LNPK: variants seen among roughly 807,000 people sequenced by gnomAD.
LNPK encodes the protein lunapark, ER junction formation factor, also known as endoplasmic reticulum junction formation protein lunapark.
Under a neutral mutation model 55.2 loss-of-function variants are expected in LNPK, and 29 were observed. The ratio of observed to expected loss-of-function variants is 0.53; its 90% CI spans 0.39 to 0.72. The LOEUF (loss-of-function observed/expected upper bound fraction) is 0.72, where lower values mean the gene tolerates loss of function less well. Among genes scored for constraint, LNPK ranks in the 30% least tolerant of loss-of-function variants. The pLI, the probability that LNPK is intolerant of heterozygous loss-of-function variation, is 0.00. For missense variants in LNPK, 467 were observed against 494.8 expected (o/e 0.94, Z 0.53); for synonymous variants, 162 against 168.2 (o/e 0.96, Z 0.29).
At chr2:175,942,640 A>G (rs1437800832) in intron 9 of LNPK, among the ~76,000 whole-genome samples, 2 of 151,488 alleles carry the variant, frequency 1.3e-5, no homozygotes. Flanking sequence ...ATGAAAATGG[A>G]AAAAAAATCA....
chr2:175,973,116 T>C (rs529184800), intron 5 of LNPK, among the ~76,000 whole-genome samples: 8 of 152,330 alleles, frequency 5.3e-5, no homozygotes, highest in Admixed American at 3.9e-4. Flanking sequence ...AGGTTTTGCA[T>C]ATATACATTG....
intron 5 of LNPK, among the ~76,000 whole-genome samples, chr2:175,978,879 T>C (rs1015719448): frequency 8.5e-5 from 13 of 152,122 alleles, no homozygotes; most frequent in African/African-American, 3.1e-4. Flanking sequence ...GTCAAGAGTG[T>C]CAGCAAGGAA....
At chr2:175,984,295 C>A (rs536206570) in intron 4 of LNPK, among the ~76,000 whole-genome samples, 1 of 151,970 alleles carries the variant, frequency 6.6e-6, no homozygotes, top group East Asian at 1.9e-4. Context: ...TCTCCTGCCT[C>A]GGCCTCCCTA....
At chr2:175,996,273 C>A (rs985970331) in intron 1 of LNPK, among the ~76,000 whole-genome samples, 2 of 152,136 alleles carry the variant, frequency 1.3e-5, no homozygotes, top group African/African-American at 4.8e-5. Context: ...GTTCTGGTAA[C>A]AAAGTTTTAC....
chr2:175,929,977 G>C lies in LNPK; in HGVS notation c.1277C>G (p.Thr426Arg). 1 of 1,613,894 alleles carries C rather than the reference G, an allele frequency of 6.2e-7. No homozygotes were observed. The highest frequency in any genetic ancestry group is 8.5e-7 in the Non-Finnish European group (1 of 1,179,904). ...ACGTGGAAGCATTTACTACTCTGCC[G>C]TCAAAGATTCTCCACTTAGTTCAGG... ...PDPELSGESLTAE is the reference protein window; with the variant it reads ...PDPELSGESLRAE Residue 426 changes from threonine (T) to arginine (R), a missense_variant, in exon 13 of 13, where the codon ACG (threonine) becomes AGG (arginine). Thr to Arg is a moderately conservative substitution (Grantham distance 71, BLOSUM62 -1). Coordinates refer to ENST00000272748, the MANE Select transcript of LNPK (RefSeq NM_030650.3).
chr2:175,940,141 GAGA>G (rs1425667857), intron 9 of LNPK, among the ~76,000 whole-genome samples: 1 of 151,960 alleles, frequency 6.6e-6, no homozygotes, highest in Non-Finnish European at 1.5e-5. Context: ...ATTGTTCCCT[GAGA>G]AGACTAAAAA....
chr2:175,994,025 A>G (rs961333517), intron 2 of LNPK: 2 of 226,802 alleles, frequency 8.8e-6, no homozygotes, highest in African/African-American at 4.7e-5. Flanking sequence ...TTAAAAGGAC[A>G]TCTAAGAATA....
intron 5 of LNPK, among the ~76,000 whole-genome samples, chr2:175,974,330 C>T (rs566800605): frequency 9.9e-5 from 15 of 152,030 alleles, no homozygotes; most frequent in Admixed American, 6.6e-4. Flanking sequence ...TGTCACAGTA[C>T]AAAAATACAC....
At position 175,995,959 on chromosome 2, in the gene LNPK, C is replaced by T. The variant is rs372845128; in HGVS notation, c.-62-313G>A. ...TCCTGAGTAGCTGGGACTACAGGTGCGCACCACTATGCCTGGCTAATTTTT... is the reference window on the plus strand; with the variant it reads ...TCCTGAGTAGCTGGGACTACAGGTGTGCACCACTATGCCTGGCTAATTTTT... On this transcript the variant is annotated intron_variant, in intron 1 of 12. Coordinates refer to ENST00000272748, the MANE Select transcript of LNPK (RefSeq NM_030650.3). 5.9e-5 allele frequency among the ~76,000 whole-genome samples: 9 copies of T among 151,654 alleles called. No homozygotes were observed. In the East Asian group the frequency reaches 1.4e-3, roughly 23 times the overall value.
At position 175,926,219 on chromosome 2, in the gene LNPK, G is replaced by A. The variant is rs533583690; in HGVS notation, c.*3748C>T. The stretch of plus-strand genomic sequence containing the variant: ...AGTTGCTTCCTGCTATGGTTTGAAT[G>A]CTACAAAAAGCATGTGTTGAAAACT... On this transcript the variant is annotated 3_prime_UTR_variant, in exon 13 of 13. Coordinates refer to ENST00000272748, the MANE Select transcript of LNPK (RefSeq NM_030650.3). 18 of 152,306 alleles carry A rather than the reference G, an allele frequency of 1.2e-4. No homozygotes were observed. Among genetic ancestry groups the A allele is most frequent in the Admixed American group, 6.5e-4 (10 of 15,306 alleles). 9.4% of individuals were successfully genotyped at this position (152,306 alleles called of 1,614,324 possible).
Position 175,923,947 on chromosome 2 carries a change from TTA to T in LNPK, c.*6018_*6019del, listed in dbSNP as rs1180924813. ...ATTCTAACAAATGTACTTTCTATATTTATATATTTATCTGTCTACATTCAGAG... is the reference window on the plus strand; with the variant it reads ...ATTCTAACAAATGTACTTTCTATATTTATATTTATCTGTCTACATTCAGAG... On this transcript the variant is annotated 3_prime_UTR_variant, in exon 13 of 13. Coordinates refer to ENST00000272748, the MANE Select transcript of LNPK (RefSeq NM_030650.3). 1 of 152,208 alleles carries T rather than the reference TTA, an allele frequency of 6.6e-6. No homozygotes were observed. The highest frequency in any genetic ancestry group is 1.5e-5 in the Non-Finnish European group (1 of 68,022). 9.4% of individuals were successfully genotyped at this position (152,208 alleles called of 1,614,324 possible). A position where few individuals can be genotyped will look rare whatever the true frequency, so the allele number is the denominator to read the frequency against.
At chr2:175,967,130 C>T (rs555427603) in intron 6 of LNPK, among the ~76,000 whole-genome samples, 7 of 152,270 alleles carry the variant, frequency 4.6e-5, no homozygotes, top group South Asian at 2.1e-4. Context: ...AAAACAAATT[C>T]GTAAACTTTA....
At chr2:175,940,865 T>C (rs542668023) in intron 9 of LNPK, 1 of 351,898 alleles carries the variant, frequency 2.8e-6, no homozygotes, top group East Asian at 9.9e-5. Context: ...CAATGTCTAG[T>C]ATAAAAAAAA....
intron 8 of LNPK, among the ~76,000 whole-genome samples, chr2:175,960,136 A>G (rs905639641): frequency 6.6e-6 from 1 of 152,190 alleles, no homozygotes; most frequent in Non-Finnish European, 1.5e-5. Context: ...CACTGTCAAT[A>G]TTAGACAGAT....
chr2:175,995,656 A>C lies in LNPK; in HGVS notation c.-62-10T>G. 2.3e-6 allele frequency: 3 copies of C among 1,293,638 alleles called. No individual in the cohort carries two copies. The highest frequency in any genetic ancestry group is 3.4e-6 in the Non-Finnish European group (3 of 889,902). 80.1% of individuals were successfully genotyped at this position (1,293,638 alleles called of 1,614,324 possible). On this transcript the variant is annotated splice_polypyrimidine_tract_variant and intron_variant, in intron 1 of 12. Coordinates refer to ENST00000272748, the MANE Select transcript of LNPK (RefSeq NM_030650.3). ...CCAAAGGAATTCACAGCTAGAAATA[A>C]AGCAAGTATTTAAAATGTTAAGTTA...
intron 4 of LNPK, among the ~76,000 whole-genome samples, chr2:175,986,853 G>A: frequency 6.7e-6 from 1 of 149,732 alleles, no homozygotes. Context: ...AACATTAGAA[G>A]AATTCCCAAA....
intron 5 of LNPK, among the ~76,000 whole-genome samples, chr2:175,974,797 T>C (rs1441825238): frequency 6.6e-6 from 1 of 152,134 alleles, no homozygotes; most frequent in Non-Finnish European, 1.5e-5. Flanking sequence ...GACAATCTTT[T>C]ACAAAGTCGA....
intron 3 of LNPK, among the ~76,000 whole-genome samples, 154 bp from the exon 4 acceptor site, chr2:175,992,572 T>C (rs1687756174): frequency 6.6e-6 from 1 of 152,056 alleles, no homozygotes; most frequent in South Asian, 2.1e-4. Flanking sequence ...CAAAACATAA[T>C]ATGAAAAAGA....
In LNPK at chr2:175,938,298, C is replaced by G. The variant is rs1386447891; in HGVS notation, c.883+15G>C. The G allele has an allele frequency of 1.4e-6, 2 of 1,476,060 alleles. No individual in the cohort carries two copies. Among genetic ancestry groups the G allele is most frequent in the Non-Finnish European group, 1.9e-6 (2 of 1,065,660 alleles). The allele number at this position is 1,476,060 out of a possible 1,614,324, so 91.4% of individuals were successfully genotyped here. ...AGCATAAAATATTTAAATCTCATTG[C>G]CCAATAATTCTTACCAATGTATTCA... is the stretch of plus-strand genomic sequence containing the variant. On this transcript the variant is annotated intron_variant, in intron 11 of 12. Coordinates refer to ENST00000272748, the MANE Select transcript of LNPK (RefSeq NM_030650.3).
Sources: gnomAD v4.1 joint callset for allele counts (sites outside exome capture counted in the v4.1 genomes callset) on GRCh38, gnomAD v4.1.1 for gene constraint, MANE v1.5 for transcripts, NCBI Gene and HGNC (gene_info 2026-07-23, HGNC 2026-07-21) for gene names.